ROBO2: variants seen among roughly 807,000 people sequenced by gnomAD.
ROBO2 encodes roundabout homolog 2.
Under a neutral mutation model 160.8 loss-of-function variants are expected in ROBO2, and 53 were observed. That is an observed-to-expected ratio of 0.33 (90% CI 0.26 to 0.41). ROBO2 has a LOEUF of 0.41. Among genes scored for constraint, ROBO2 ranks in the 10% least tolerant of loss-of-function variants. The probability of loss-of-function intolerance (pLI) is 1.00; values close to 1 mark genes in which losing one functional copy is unlikely to be tolerated. For synonymous variants in ROBO2, 664 were observed against 611.7 expected, an observed-to-expected ratio of 1.09 and a Z score of -1.26; for missense variants, 1,577 against 1,722.4, an observed-to-expected ratio of 0.92 and a Z score of 1.49.
intron 2 of ROBO2, among the ~76,000 whole-genome samples, chr3:76,750,030 T>C (rs1434455699): frequency 2.0e-5 from 3 of 152,062 alleles, no homozygotes; most frequent in Non-Finnish European, 2.9e-5. Flanking sequence ...CTGATGAACA[T>C]TGATGCAAAA....
intron 2 of ROBO2, among the ~76,000 whole-genome samples, chr3:76,292,778 T>G (rs769114197): frequency 1.3e-5 from 2 of 152,200 alleles, no homozygotes; most frequent in Non-Finnish European, 2.9e-5. Context: ...CTATTGTGTC[T>G]TTTTAAACAA....
At chr3:76,791,673 CAACT>C (rs1362837096) in intron 2 of ROBO2, among the ~76,000 whole-genome samples, 8 of 151,670 alleles carry the variant, frequency 5.3e-5, no homozygotes, top group Non-Finnish European at 1.2e-4. Flanking sequence ...CTGAACCAAC[CAACT>C]AAGCTGCTCC....
chr3:76,241,376 A>G (rs1194187295), intron 2 of ROBO2, among the ~76,000 whole-genome samples: 1 of 152,224 alleles, frequency 6.6e-6, no homozygotes, highest in African/African-American at 2.4e-5. Context: ...GCATTCAGTG[A>G]ACAAACACTT....
At chr3:76,223,422 G>A (rs1255848458) in intron 2 of ROBO2, among the ~76,000 whole-genome samples, 3 of 151,874 alleles carry the variant, frequency 2.0e-5, no homozygotes. Flanking sequence ...CCAGGGTGGG[G>A]AGGCTACTTT....
chr3:76,611,137 G>A (rs1473420297), intron 2 of ROBO2, among the ~76,000 whole-genome samples: 1 of 152,116 alleles, frequency 6.6e-6, no homozygotes, highest in Non-Finnish European at 1.5e-5. Context: ...CCCGTCGAGA[G>A]AGAGAGGGTA....
chr3:77,171,636 A>G (rs549415008), intron 2 of ROBO2, among the ~76,000 whole-genome samples: 1 of 152,278 alleles, frequency 6.6e-6, no homozygotes, highest in East Asian at 1.9e-4. Flanking sequence ...GACACTAATA[A>G]GTTGTGTTGT....
intron 2 of ROBO2, among the ~76,000 whole-genome samples, chr3:75,962,761 A>T (rs1017570290): frequency 6.6e-6 from 1 of 151,864 alleles, no homozygotes; most frequent in Non-Finnish European, 1.5e-5. Flanking sequence ...ATATAAAAAT[A>T]ATTCTTTCGT....
At chr3:76,350,088 G>A (rs1399514114) in intron 2 of ROBO2, among the ~76,000 whole-genome samples, 1 of 152,014 alleles carries the variant, frequency 6.6e-6, no homozygotes, top group African/African-American at 2.4e-5. Context: ...AAATGAGAGA[G>A]TATTAAGGAC....
intron 2 of ROBO2, among the ~76,000 whole-genome samples, chr3:76,499,046 T>C (rs1410836298): frequency 6.6e-6 from 1 of 152,126 alleles, no homozygotes; most frequent in Non-Finnish European, 1.5e-5. Context: ...TTTATCTGGT[T>C]TTCCTTTCTA....
chr3:77,259,483 G>A (rs2058643219), intron 2 of ROBO2, among the ~76,000 whole-genome samples: 1 of 152,076 alleles, frequency 6.6e-6, no homozygotes, highest in Non-Finnish European at 1.5e-5. Flanking sequence ...GTTACTAAGA[G>A]GTTGTGTTAT....
chr3:76,955,628 T>C (rs2079199787), intron 2 of ROBO2, among the ~76,000 whole-genome samples: 1 of 152,198 alleles, frequency 6.6e-6, no homozygotes. Context: ...TTTATATTCT[T>C]ACTGGCCAAC....
intron 2 of ROBO2, among the ~76,000 whole-genome samples, chr3:76,595,428 T>G (rs1217457891): frequency 6.6e-6 from 1 of 152,046 alleles, no homozygotes; most frequent in Non-Finnish European, 1.5e-5. Flanking sequence ...ATATTTGAGT[T>G]TTGTGATTTA....
chr3:76,359,180 C>T (rs2075359960), intron 2 of ROBO2, among the ~76,000 whole-genome samples: 1 of 151,780 alleles, frequency 6.6e-6, no homozygotes, highest in Non-Finnish European at 1.5e-5. Context: ...CATTGTTGGA[C>T]ATTTGAGTTG....
chr3:77,149,455 C>T (rs1186270406), intron 2 of ROBO2, among the ~76,000 whole-genome samples: 1 of 152,184 alleles, frequency 6.6e-6, no homozygotes, highest in African/African-American at 2.4e-5. Flanking sequence ...GCTTTCTTAG[C>T]AGGTGTCTTC....
At position 76,509,892 on chromosome 3, in the gene ROBO2, A is replaced by G. The variant is rs138409288; in HGVS notation, c.109+572290A>G. Among the ~76,000 whole-genome samples, 760 of 152,218 alleles carry G rather than the reference A, an allele frequency of 5.0e-3. 6 individuals are homozygous for G. The highest frequency in any genetic ancestry group is 4.8e-3 in the Non-Finnish European group (324 of 68,022). On this transcript the variant is annotated intron_variant, in intron 2 of 26. Transcript: ENST00000487694. ...AATTATACGACGAGTAGAAAATTCT[A>G]CACCTGACCTCATGTGATGGGTCAC...
At chr3:76,615,844 A>G (rs2088538726) in intron 2 of ROBO2, among the ~76,000 whole-genome samples, 2 of 152,204 alleles carry the variant, frequency 1.3e-5, no homozygotes, top group Admixed American at 1.3e-4. Context: ...GGCTCACAAC[A>G]TATGGGTATG....
intron 2 of ROBO2, among the ~76,000 whole-genome samples, chr3:76,207,805 G>A (rs1207614919): frequency 1.3e-5 from 2 of 152,184 alleles, no homozygotes; most frequent in African/African-American, 4.8e-5. Flanking sequence ...TTAAGAAGAT[G>A]ATGCTGAAAT....
intron 2 of ROBO2, among the ~76,000 whole-genome samples, chr3:76,910,725 C>CAAA (rs10662303): frequency 4.5e-4 from 16 of 35,490 alleles, no homozygotes; most frequent in East Asian, 1.0e-3. Context: ...AACTCTGTCT[C>CAAA]AAAAAAAAAA....
chr3:77,430,207 G>A (rs1425379773), intron 2 of ROBO2, among the ~76,000 whole-genome samples: 1 of 152,118 alleles, frequency 6.6e-6, no homozygotes, highest in Non-Finnish European at 1.5e-5. Flanking sequence ...TTTCTAAATG[G>A]TGACTAGAAG....
Sources: gnomAD v4.1 joint callset for allele counts (sites outside exome capture counted in the v4.1 genomes callset) on GRCh38, gnomAD v4.1.1 for gene constraint, MANE v1.5 for transcripts, NCBI Gene and HGNC (gene_info 2026-07-23, HGNC 2026-07-21) for gene names.